Variants in GLI3 observed in about 807,000 individuals in gnomAD.
GLI3 encodes transcription activator GLI3.
GLI3 carries 20 observed loss-of-function variants against 100.8 expected under a neutral mutation model. The observed-to-expected ratio is 0.20, with a 90% CI of 0.14 to 0.29. GLI3 has a LOEUF of 0.29. GLI3 is among the 10% of genes least tolerant of loss of function. GLI3 has a pLI of 1.00. For missense variants in GLI3, 2,040 were observed against 2,128.5 expected (o/e 0.96, Z 0.82); for synonymous variants, 938 against 860.5 (o/e 1.09, Z -1.58).
chr7:42,043,538 C>T (rs73688627), intron 6 of GLI3, among the ~76,000 whole-genome samples: 299 of 152,250 alleles, frequency 2.0e-3, no homozygotes, highest in African/African-American at 6.8e-3. Flanking sequence ...CAGATATCTC[C>T]GATCTGGCTT....
At chr7:42,163,753 C>CAT (rs1250149319) in intron 2 of GLI3, among the ~76,000 whole-genome samples, 1 of 152,006 alleles carries the variant, frequency 6.6e-6, no homozygotes, top group African/African-American at 2.4e-5. Flanking sequence ...ATTTTTTACA[C>CAT]ATCACAACCA....
chr7:42,226,999 GC>G (rs1158244175), intron 1 of GLI3, among the ~76,000 whole-genome samples: 4 of 152,176 alleles, frequency 2.6e-5, no homozygotes, highest in African/African-American at 7.2e-5. Context: ...TAGGACAGTA[GC>G]TCCACGACAC....
At chr7:42,191,565 T>C (rs1787827663) in intron 2 of GLI3, among the ~76,000 whole-genome samples, 1 of 151,908 alleles carries the variant, frequency 6.6e-6, no homozygotes, top group South Asian at 2.1e-4. Context: ...GGCAGGAGAA[T>C]CGCTTGAACT....
chr7:42,193,808 A>C (rs923418768), intron 2 of GLI3, among the ~76,000 whole-genome samples: 1 of 152,158 alleles, frequency 6.6e-6, no homozygotes, highest in African/African-American at 2.4e-5. Context: ...ATTCCAACAT[A>C]CAGAAAAGTA....
intron 10 of GLI3, among the ~76,000 whole-genome samples, chr7:42,007,937 C>T (rs111746209): frequency 0.013 from 1,959 of 152,176 alleles, 41 homozygotes; most frequent in African/African-American, 0.043. Context: ...AAGTCTTGAC[C>T]TAGATGGAGA....
At chr7:42,005,705 G>T (rs1033067372) in intron 10 of GLI3, among the ~76,000 whole-genome samples, 2 of 152,134 alleles carry the variant, frequency 1.3e-5, no homozygotes, top group Non-Finnish European at 2.9e-5. Context: ...GCCCGACGTG[G>T]GAAGGGAGGG....
intron 3 of GLI3, among the ~76,000 whole-genome samples, chr7:42,080,524 G>A (rs1784975567): frequency 2.0e-5 from 3 of 152,312 alleles, no homozygotes; most frequent in East Asian, 1.9e-4. Context: ...GATTGCAGAA[G>A]TCTGTGTGGA....
At chr7:42,176,328 G>T (rs997656598) in intron 2 of GLI3, among the ~76,000 whole-genome samples, 1 of 152,092 alleles carries the variant, frequency 6.6e-6, no homozygotes, top group Non-Finnish European at 1.5e-5. Flanking sequence ...TTCCCCACAA[G>T]TCCTGACAAA....
intron 3 of GLI3, among the ~76,000 whole-genome samples, chr7:42,102,640 A>G (rs1785490019): frequency 6.6e-6 from 1 of 152,208 alleles, no homozygotes; most frequent in Admixed American, 6.5e-5. Flanking sequence ...CTCACCAGGC[A>G]AGTTACACCA....
chr7:42,072,397 A>C (rs1300771017), intron 4 of GLI3, among the ~76,000 whole-genome samples: 1 of 152,346 alleles, frequency 6.6e-6, no homozygotes, highest in East Asian at 1.9e-4. Context: ...ATTTAAAGCT[A>C]CTTTATAATT....
intron 4 of GLI3, among the ~76,000 whole-genome samples, chr7:42,068,423 T>C (rs1784718171): frequency 6.6e-6 from 1 of 152,206 alleles, no homozygotes; most frequent in South Asian, 2.1e-4. Context: ...AAAACATCCC[T>C]AGTTTTCTCA....
At chr7:42,075,422 C>T (rs1784860409) in intron 4 of GLI3, among the ~76,000 whole-genome samples, 1 of 151,246 alleles carries the variant, frequency 6.6e-6, no homozygotes, top group South Asian at 2.1e-4. Flanking sequence ...CATGTGGTCA[C>T]ATCTGTATCA....
At chr7:42,152,816 C>T (rs892182171) in intron 2 of GLI3, among the ~76,000 whole-genome samples, 3 of 152,212 alleles carry the variant, frequency 2.0e-5, no homozygotes, top group Non-Finnish European at 4.4e-5. Flanking sequence ...ACAGGCTCCA[C>T]TCCACATATT....
intron 2 of GLI3, among the ~76,000 whole-genome samples, chr7:42,182,259 A>G (rs999991173): frequency 2.6e-5 from 4 of 152,080 alleles, no homozygotes; most frequent in Non-Finnish European, 5.9e-5. Context: ...TTCCATTTTA[A>G]TTTACATAAA....
rs796118565 is a variant in GLI3 at position 41,973,576 on chromosome 7, A to G, written c.1813-949T>C. On this transcript the variant is annotated intron_variant, in intron 12 of 14. Coordinates refer to ENST00000395925, the MANE Select transcript of GLI3 (RefSeq NM_000168.6). Reference sequence around the variant, plus strand: ...AGTTTGTTCACTTGGCTTAAAATATAATATACGCAAGAATGCTTTCATGAA... The same window carrying G: ...AGTTTGTTCACTTGGCTTAAAATATGATATACGCAAGAATGCTTTCATGAA... Among the ~76,000 whole-genome samples the G allele has an allele frequency of 3.9e-5, 6 of 152,222 alleles. No individual in the cohort carries two copies. The East Asian group carries it at 1.2e-3, about 29-fold the overall frequency.
rs1788691497 is a variant in GLI3, at chr7:42,231,238, T to C, written c.-43+5733A>G. On this transcript the variant is annotated intron_variant, in intron 1 of 14. Coordinates refer to ENST00000395925, the MANE Select transcript of GLI3 (RefSeq NM_000168.6). ...TGCATGTTAAAATCATCTACAGCTATCCCAAAGGTATTTAACATTTTTTTG... is the reference window on the plus strand; with the variant it reads ...TGCATGTTAAAATCATCTACAGCTACCCCAAAGGTATTTAACATTTTTTTG... 2.6e-5 allele frequency among the ~76,000 whole-genome samples: 4 copies of C among 152,326 alleles called. No individual in the cohort carries two copies. The South Asian group carries it at 8.3e-4, about 32-fold the overall frequency.
rs149396663 is a variant in GLI3 at position 42,136,500 on chromosome 7, G to A, written c.367+11726C>T. Among the ~76,000 whole-genome samples the A allele has an allele frequency of 3.9e-3, 596 of 152,340 alleles. 3 individuals are homozygous for A. Among genetic ancestry groups the A allele is most frequent in the African/African-American group, 0.013 (560 of 41,572 alleles). On this transcript the variant is annotated intron_variant, in intron 3 of 14. Coordinates refer to ENST00000395925, the MANE Select transcript of GLI3 (RefSeq NM_000168.6). ...ATGGGAAATATCACACATATGGCCT[G>A]TGGTGGTGATTACTACTGTGTACCA...
At chr7:42,221,493 CCTA>C (rs1412231061) in intron 2 of GLI3, among the ~76,000 whole-genome samples, 11 of 152,124 alleles carry the variant, frequency 7.2e-5, no homozygotes, top group Non-Finnish European at 1.5e-4. Flanking sequence ...CACCCACACA[CCTA>C]CACACTCACG....
At chr7:42,165,204 T>A (rs1449180857) in intron 2 of GLI3, among the ~76,000 whole-genome samples, 1 of 150,346 alleles carries the variant, frequency 6.7e-6, no homozygotes, top group Non-Finnish European at 1.5e-5. Flanking sequence ...AAAAAACAAA[T>A]CACTATTGAG....
Sources: gnomAD v4.1 joint callset for allele counts (sites outside exome capture counted in the v4.1 genomes callset) on GRCh38, gnomAD v4.1.1 for gene constraint, MANE v1.5 for transcripts, NCBI Gene and HGNC (gene_info 2026-07-23, HGNC 2026-07-21) for gene names.